Variants in ARHGEF4 observed in about 807,000 individuals in gnomAD.
ARHGEF4 encodes the protein Rho guanine nucleotide exchange factor 4.
A neutral mutation model predicts 162.0 loss-of-function variants in ARHGEF4; 119 were observed. The observed-to-expected ratio is 0.73, with a 90% CI of 0.63 to 0.86. The LOEUF (loss-of-function observed/expected upper bound fraction) is 0.86, where lower values mean the gene tolerates loss of function less well. ARHGEF4 is among the 40% of genes least tolerant of loss of function. The pLI, the probability that ARHGEF4 is intolerant of heterozygous loss-of-function variation, is 0.00. For missense variants in ARHGEF4, 2,488 were observed against 2,456.0 expected, an observed-to-expected ratio of 1.01 and a Z score of -0.28; for synonymous variants, 1,014 against 979.9, an observed-to-expected ratio of 1.03 and a Z score of -0.65.
intron 1 of ARHGEF4, among the ~76,000 whole-genome samples, chr2:130,838,356 C>G (rs571559630): frequency 1.3e-5 from 2 of 152,032 alleles, no homozygotes; most frequent in Admixed American, 1.3e-4. Context: ...AATCTCAGCA[C>G]TTTGGGAGGC....
At chr2:130,864,588 G>T (rs752415016) in intron 1 of ARHGEF4, among the ~76,000 whole-genome samples, 4 of 152,198 alleles carry the variant, frequency 2.6e-5, no homozygotes, top group Non-Finnish European at 5.9e-5. Flanking sequence ...GCCAGATGTG[G>T]TGGTGCACCC....
chr2:130,900,112 A>C (rs900004299), intron 1 of ARHGEF4, among the ~76,000 whole-genome samples: 3 of 152,026 alleles, frequency 2.0e-5, no homozygotes, highest in African/African-American at 7.3e-5. Flanking sequence ...AATTGTGTTA[A>C]ATTTGTTGAG....
rs569005771 is a variant in ARHGEF4, at chr2:130,885,470, C to T, written c.40-28516C>T. Among the ~76,000 whole-genome samples the T allele has an allele frequency of 6.0e-4, 91 of 151,558 alleles. 4 individuals carry two copies. The highest frequency in any genetic ancestry group is 2.2e-3 in the African/African-American group (89 of 41,180). Reference sequence around the variant, plus strand: ...ACATCTTAAAGGTCTCATCGTAATACTGTTACAATGGCAACTAAGTTTCCC... The same window carrying T: ...ACATCTTAAAGGTCTCATCGTAATATTGTTACAATGGCAACTAAGTTTCCC... On this transcript the variant is annotated intron_variant, in intron 1 of 13. Coordinates refer to ENST00000409359, the MANE Select transcript of ARHGEF4 (RefSeq NM_001367493.1).
At chr2:130,837,062 C>G (rs1431596543) in intron 1 of ARHGEF4, 70 bp downstream of exon 1, 4 of 1,215,088 alleles carry the variant, frequency 3.3e-6, no homozygotes, top group Admixed American at 4.3e-5. Flanking sequence ...GAGCACAGCC[C>G]GCGCTGGCTG....
At chr2:130,961,886 A>G (rs1684642722) in intron 4 of ARHGEF4, among the ~76,000 whole-genome samples, 1 of 152,056 alleles carries the variant, frequency 6.6e-6, no homozygotes, top group Non-Finnish European at 1.5e-5. Context: ...TGGTGACCCC[A>G]TGCAGAAGAG....
chr2:130,976,302 G>C (rs2105235426), intron 4 of ARHGEF4, among the ~76,000 whole-genome samples: 1 of 151,964 alleles, frequency 6.6e-6, no homozygotes, highest in Non-Finnish European at 1.5e-5. Context: ...TTTGCATCTA[G>C]AGCTCTCAAA....
intron 5 of ARHGEF4, among the ~76,000 whole-genome samples, chr2:131,038,129 C>A (rs1472611082): frequency 2.0e-5 from 3 of 152,290 alleles, no homozygotes; most frequent in African/African-American, 7.2e-5. Context: ...AATGGCAGGG[C>A]ACTGTCTACC....
chr2:130,920,347 T>C (rs1047066471), intron 2 of ARHGEF4, among the ~76,000 whole-genome samples: 6 of 152,218 alleles, frequency 3.9e-5, no homozygotes, highest in Non-Finnish European at 5.9e-5. Flanking sequence ...TTTTAACAAA[T>C]AGTAAGTGAG....
intron 4 of ARHGEF4, among the ~76,000 whole-genome samples, chr2:130,956,658 A>G (rs1211496671): frequency 6.6e-6 from 1 of 151,994 alleles, no homozygotes. Flanking sequence ...TGATGAGTTC[A>G]TGTCCTTTGT....
At chr2:130,838,465 G>A (rs919949563) in intron 1 of ARHGEF4, among the ~76,000 whole-genome samples, 1 of 152,164 alleles carries the variant, frequency 6.6e-6, no homozygotes, top group Admixed American at 6.5e-5. Flanking sequence ...AATCAGCCGG[G>A]CGCGGTAGTG....
At position 130,946,593 on chromosome 2, in the gene ARHGEF4, G is replaced by A. The variant is rs149091381; in HGVS notation, c.3943G>A (p.Gly1315Arg). The A allele has an allele frequency of 1.8e-5, 29 of 1,614,064 alleles. No homozygotes were observed. The South Asian group carries it at 3.0e-4, about 17-fold the overall frequency. ...SHPLSQSAPT[G>R]LNHMGWPEHT... is the part of the protein sequence containing the mutation. The stretch of plus-strand genomic sequence containing the variant: ...TCCACTCTCCCAGAGTGCTCCAACG[G>A]GACTGAACCACATGGGCTGGCCAGA... The change falls in exon 4 of 14, where the codon GGA becomes AGA. Residue 1315 changes from glycine to arginine, a missense_variant. This residue lies in a region of ARHGEF4 where 1,642 missense variants were observed against 1,481.5 expected (regional missense o/e 1.11). Transcript: ENST00000409359.
intron 4 of ARHGEF4, among the ~76,000 whole-genome samples, chr2:131,002,205 A>G (rs1687813735): frequency 6.6e-6 from 1 of 152,204 alleles, no homozygotes; most frequent in African/African-American, 2.4e-5. Context: ...TTAAAAATTT[A>G]AAAGCTTTAA....
At chr2:130,881,453 G>C (rs538286198) in intron 1 of ARHGEF4, among the ~76,000 whole-genome samples, 1 of 151,918 alleles carries the variant, frequency 6.6e-6, no homozygotes, top group East Asian at 2.0e-4. Context: ...AAATCTTCAA[G>C]GGCTAAGGAG....
chr2:130,994,822 G>T (rs779419255), intron 4 of ARHGEF4, among the ~76,000 whole-genome samples: 1 of 152,084 alleles, frequency 6.6e-6, no homozygotes, highest in Non-Finnish European at 1.5e-5. Flanking sequence ...TTAATTCCTT[G>T]CATTTTGTGT....
chr2:130,917,002 C>T lies in ARHGEF4; in HGVS notation c.3056C>T (p.Ser1019Phe). 6.4e-7 allele frequency: 1 copy of T among 1,551,010 alleles called. No individual in the cohort carries two copies. The highest frequency in any genetic ancestry group is 2.0e-5 in the Admixed American group (1 of 51,014). ...ASTPLSSSLV[S>F]PEHRRKSEPT... The stretch of plus-strand genomic sequence containing the variant: ...ACACCTTTGTCCTCCAGTTTAGTTT[C>T]TCCAGAACACAGGAGGAAAAGTGAA... Residue 1019 changes from serine to phenylalanine, a missense_variant, in exon 2 of 14, where the codon TCT becomes TTT. Physicochemically the swap from Ser to Phe is radical, Grantham distance 155. Transcript: ENST00000409359.
chr2:130,946,953 C>T (rs553018273), intron 4 of ARHGEF4: 3 of 252,118 alleles, frequency 1.2e-5, no homozygotes, highest in East Asian at 8.7e-5. Flanking sequence ...AAATACAGGC[C>T]GGGTGCGGTG....
chr2:130,934,356 G>A (rs560454398), intron 3 of ARHGEF4, among the ~76,000 whole-genome samples: 30 of 152,250 alleles, frequency 2.0e-4, no homozygotes, highest in African/African-American at 6.7e-4. Context: ...TTTTTTGAAA[G>A]CATTTGAGAA....
chr2:130,976,349 C>CTCTGTG (rs1553434499), intron 4 of ARHGEF4, among the ~76,000 whole-genome samples: 1 of 147,984 alleles, frequency 6.8e-6, no homozygotes. Flanking sequence ...GTGTGTGTGT[C>CTCTGTG]TGTGTGTGTG....
At chr2:130,910,676 A>G (rs924611254) in intron 1 of ARHGEF4, among the ~76,000 whole-genome samples, 1 of 152,206 alleles carries the variant, frequency 6.6e-6, no homozygotes, top group African/African-American at 2.4e-5. Flanking sequence ...GACCCATTAG[A>G]GAATGCACTA....
Sources: gnomAD v4.1 joint callset for allele counts (sites outside exome capture counted in the v4.1 genomes callset) on GRCh38, gnomAD v4.1.1 for gene constraint, gnomAD v4.1.1 regional missense constraint, MANE v1.5 for transcripts, NCBI Gene and HGNC (gene_info 2026-07-23, HGNC 2026-07-21) for gene names.